Variants in HERC6 observed in about 807,000 individuals in gnomAD.
The protein encoded by HERC6 is probable E3 ubiquitin-protein ligase HERC6.
HERC6 carries 101 observed loss-of-function variants against 114.5 expected under a neutral mutation model. The ratio of observed to expected loss-of-function variants is 0.88; its 90% CI spans 0.75 to 1.04. The LOEUF is 1.04. Ranked by LOEUF, HERC6 falls within the 50% of genes least tolerant of loss-of-function variation. The pLI, the probability that HERC6 is intolerant of heterozygous loss-of-function variation, is 0.00. For synonymous variants in HERC6, 408 were observed against 436.2 expected, an observed-to-expected ratio of 0.94 and a Z score of 0.81; for missense variants, 1,133 against 1,230.9, an observed-to-expected ratio of 0.92 and a Z score of 1.19.
intron 16 of HERC6, among the ~76,000 whole-genome samples, chr4:88,430,569 C>CAAATAAAT (rs375978104): frequency 0.04 from 5,613 of 141,230 alleles, 289 homozygotes; most frequent in African/African-American, 0.12. Flanking sequence ...GACTCCATCT[C>CAAATAAAT]AAATAAATAA....
chr4:88,418,970 G>A (rs534395525), intron 13 of HERC6, among the ~76,000 whole-genome samples: 7 of 152,238 alleles, frequency 4.6e-5, no homozygotes, highest in Non-Finnish European at 7.4e-5. Context: ...CAAGTGATCC[G>A]CCTGCCTCGC....
intron 11 of HERC6, 83 bp from the exon 12 acceptor site, chr4:88,412,994 C>T (rs1376481321): frequency 1.0e-6 from 1 of 969,926 alleles, no homozygotes; most frequent in Non-Finnish European, 1.5e-6. Flanking sequence ...TGGAGTGAAA[C>T]CCTTAATTTC....
chr4:88,430,531 T>C (rs1376087618), intron 16 of HERC6, among the ~76,000 whole-genome samples: 1 of 151,288 alleles, frequency 6.6e-6, no homozygotes, highest in Non-Finnish European at 1.5e-5. Flanking sequence ...GATCGTGCCA[T>C]TGCACTCCAG....
intron 13 of HERC6, among the ~76,000 whole-genome samples, chr4:88,423,070 G>GT (rs201154258): frequency 7.2e-5 from 10 of 139,554 alleles, no homozygotes; most frequent in Non-Finnish European, 1.1e-4. Context: ...TTTTTTTTTT[G>GT]TTTTTTTTAA....
chr4:88,403,791 T>A (rs6825220), intron 8 of HERC6, among the ~76,000 whole-genome samples: 151,854 of 152,128 alleles, frequency 1, 75,790 homozygotes, highest in Middle Eastern at 1. Flanking sequence ...AAAAAAATTT[T>A]AAAAAGGAAC....
chr4:88,422,078 T>C (rs1283161289), intron 13 of HERC6, among the ~76,000 whole-genome samples: 1 of 152,236 alleles, frequency 6.6e-6, no homozygotes, highest in Non-Finnish European at 1.5e-5. Flanking sequence ...GGTGTCTTTA[T>C]GCACAAATGT....
At chr4:88,421,996 C>CAGTTACAA (rs1457097023) in intron 13 of HERC6, among the ~76,000 whole-genome samples, 2 of 152,124 alleles carry the variant, frequency 1.3e-5, no homozygotes, top group Non-Finnish European at 2.9e-5. Flanking sequence ...TCTTTACATA[C>CAGTTACAA]AGTTACAAGT....
chr4:88,416,219 C>T (rs1017978798), intron 12 of HERC6, among the ~76,000 whole-genome samples: 2 of 152,176 alleles, frequency 1.3e-5, no homozygotes, highest in African/African-American at 4.8e-5. Flanking sequence ...GGTTGAAGTG[C>T]ACCAGCACAC....
At chr4:88,434,816 T>C (rs2149010856) in intron 17 of HERC6, among the ~76,000 whole-genome samples, 1 of 149,114 alleles carries the variant, frequency 6.7e-6, no homozygotes, top group Non-Finnish European at 1.5e-5. Context: ...TATGGCTCAG[T>C]GAAGAGATGA....
chr4:88,386,812 T>C (rs1423894781), intron 3 of HERC6, among the ~76,000 whole-genome samples: 1 of 152,216 alleles, frequency 6.6e-6, no homozygotes, highest in Non-Finnish European at 1.5e-5. Context: ...GGGAAACTTA[T>C]GCCTTGCTTT....
In HERC6 at chr4:88,413,100, T is replaced by A; in HGVS notation, c.1392T>A (p.Asp464Glu). Residue 464 changes from aspartate to glutamate, a missense_variant, in exon 12 of 23, where the codon GAT becomes GAA. By Grantham distance (45) the Asp-to-Glu change is conservative (BLOSUM62 2). This residue lies in a region of HERC6 where 735 missense variants were observed against 754.0 expected (regional missense o/e 0.97). Transcript: ENST00000264346. ...SSMITTCLED[D>E]LLRALPCHSP... ...AGATAACTACGTGTCTCGAGGATGATCTGCTCAGAGCTCTTCCATGCCATT... is the reference window on the plus strand; with the variant it reads ...AGATAACTACGTGTCTCGAGGATGAACTGCTCAGAGCTCTTCCATGCCATT... 9 of 1,609,242 alleles carry A rather than the reference T, an allele frequency of 5.6e-6. No homozygotes were observed. Among genetic ancestry groups the A allele is most frequent in the Non-Finnish European group, 7.6e-6 (9 of 1,178,196 alleles).
At chr4:88,440,485 T>C (rs993967446) in intron 22 of HERC6, 2 of 442,394 alleles carry the variant, frequency 4.5e-6, no homozygotes, top group Admixed American at 4.0e-5. Flanking sequence ...CCCAGAAAAA[T>C]GAGTTGCTGA....
intron 6 of HERC6, among the ~76,000 whole-genome samples, 164 bp downstream of exon 6, chr4:88,396,306 A>G (rs1025811): frequency 0.042 from 6,438 of 152,218 alleles, 200 homozygotes; most frequent in Non-Finnish European, 0.062. Flanking sequence ...TCTTTATTCT[A>G]GATATTTTAT....
intron 11 of HERC6, among the ~76,000 whole-genome samples, chr4:88,408,873 A>G (rs1480491443): frequency 6.6e-6 from 1 of 152,104 alleles, no homozygotes; most frequent in Non-Finnish European, 1.5e-5. Context: ...CTCACAGCTT[A>G]GGGGCTTTTC....
Position 88,402,591 on chromosome 4 carries a change from G to A in HERC6, c.1093-2285G>A, listed in dbSNP as rs112873858. 7.7e-3 allele frequency among the ~76,000 whole-genome samples: 1,179 copies of A among 152,274 alleles called. 8 individuals are homozygous for A. Among genetic ancestry groups the A allele is most frequent in the South Asian group, 0.014 (66 of 4,820 alleles). On this transcript the variant is annotated intron_variant, in intron 8 of 22. Coordinates refer to ENST00000264346, the MANE Select transcript of HERC6 (RefSeq NM_017912.4). ...GAGATGAAGGTGGGAGATAGATCAG[G>A]TTCATCAGTTCTGAAGTAACCAAGA...
chr4:88,421,391 T>C (rs1293685748), intron 13 of HERC6, among the ~76,000 whole-genome samples: 1 of 152,140 alleles, frequency 6.6e-6, no homozygotes, highest in Non-Finnish European at 1.5e-5. Context: ...CACCATTTTG[T>C]ATTACCACTA....
chr4:88,380,289 TA>T (rs1560529143), intron 1 of HERC6, among the ~76,000 whole-genome samples: 1 of 69,616 alleles, frequency 1.4e-5, no homozygotes, highest in Non-Finnish European at 2.5e-5. Flanking sequence ...TATAAATATA[TA>T]ATATATAAAT....
At chr4:88,386,341 G>C (rs187836925) in intron 3 of HERC6, among the ~76,000 whole-genome samples, 21 of 151,996 alleles carry the variant, frequency 1.4e-4, no homozygotes, top group Non-Finnish European at 2.6e-4. Context: ...AAGTAGCTGG[G>C]ATCACAGGTG....
At chr4:88,403,528 G>A (rs1272127452) in intron 8 of HERC6, among the ~76,000 whole-genome samples, 1 of 152,224 alleles carries the variant, frequency 6.6e-6, no homozygotes, top group Admixed American at 6.5e-5. Flanking sequence ...GCCGAGGCGG[G>A]TGGATCACGA....
Sources: gnomAD v4.1 joint callset for allele counts (sites outside exome capture counted in the v4.1 genomes callset) on GRCh38, gnomAD v4.1.1 for gene constraint, gnomAD v4.1.1 regional missense constraint, MANE v1.5 for transcripts, NCBI Gene and HGNC (gene_info 2026-07-23, HGNC 2026-07-21) for gene names.